The following RCHY1 variants were observed in gnomAD, a reference collection of about 807,000 sequenced individuals.
RCHY1 encodes the protein RING finger and CHY zinc finger domain-containing protein 1.
In RCHY1, 21 loss-of-function variants were observed where a neutral mutation model predicts 41.6. The ratio of observed to expected loss-of-function variants is 0.51; its 90% confidence interval spans 0.36 to 0.73. The LOEUF (loss-of-function observed/expected upper bound fraction) is 0.73, where lower values mean the gene tolerates loss of function less well. Among genes scored for constraint, RCHY1 ranks in the 30% least tolerant of loss-of-function variants. The pLI is 0.00. For missense variants in RCHY1, 265 were observed against 325.3 expected (o/e 0.81, Z 1.43); for synonymous variants, 79 against 102.9 (o/e 0.77, Z 1.41).
intron 1 of RCHY1, 55 bp from the exon 2 acceptor site, chr4:75,509,351 G>C (rs1724656734): frequency 6.4e-7 from 1 of 1,559,988 alleles, no homozygotes. Context: ...AACTAAGTGT[G>C]CAATACAAAA....
At chr4:75,506,981 G>C (rs1724382229) in intron 3 of RCHY1, among the ~76,000 whole-genome samples, 2 of 152,058 alleles carry the variant, frequency 1.3e-5, no homozygotes, top group South Asian at 4.1e-4. Context: ...TATCTTTAAA[G>C]TGTTGGGAGG....
chr4:75,504,155 G>T (rs1724075294), intron 3 of RCHY1, among the ~76,000 whole-genome samples: 1 of 152,062 alleles, frequency 6.6e-6, no homozygotes, highest in Non-Finnish European at 1.5e-5. Context: ...AGAAGAACCA[G>T]AAGTAATTAC....
chr4:75,489,214 G>A (rs1057364119), intron 8 of RCHY1, among the ~76,000 whole-genome samples: 4 of 151,960 alleles, frequency 2.6e-5, no homozygotes, highest in African/African-American at 7.3e-5. Flanking sequence ...TTGCTTTGTC[G>A]AAACCATAAT....
At chr4:75,494,432 C>G (rs1031713394) in intron 3 of RCHY1, 1 of 368,930 alleles carries the variant, frequency 2.7e-6, no homozygotes, top group African/African-American at 2.1e-5. Flanking sequence ...GACACACACA[C>G]ACATTTCGGG....
Position 75,482,627 on chromosome 4 carries a change from A to G in RCHY1, c.697T>C (p.Phe233Leu). 1 of 1,611,584 alleles carries G rather than the reference A, an allele frequency of 6.2e-7. No homozygotes were observed. Among genetic ancestry groups the G allele is most frequent in the Non-Finnish European group, 8.5e-7 (1 of 1,178,220 alleles). The change falls in exon 9 of 9, where the codon TTT becomes CTT. Residue 233 changes from phenylalanine to leucine, a missense_variant. Physicochemically the swap from Phe to Leu is conservative, Grantham distance 22 (BLOSUM62 0). Coordinates refer to ENST00000324439, the MANE Select transcript of RCHY1 (RefSeq NM_015436.4). Reference protein sequence around the residue: ...NDCNGRSTVQFHILGMKCKIC... With the variant: ...NDCNGRSTVQLHILGMKCKIC... Reference sequence around the variant, plus strand: ...TTACATTTCATGCCTAATATATGAAACTGAACAGTGGATCGTCCATTACAG... The same window carrying G: ...TTACATTTCATGCCTAATATATGAAGCTGAACAGTGGATCGTCCATTACAG...
At chr4:75,507,847 T>C (rs1373409754) in intron 3 of RCHY1, among the ~76,000 whole-genome samples, 2 of 151,926 alleles carry the variant, frequency 1.3e-5, no homozygotes, top group South Asian at 2.1e-4. Flanking sequence ...AAAGAGCATA[T>C]ACTATATGAT....
At chr4:75,494,004 T>TA (rs1169540828) in intron 4 of RCHY1, 97 bp downstream of exon 4, 6 of 706,884 alleles carry the variant, frequency 8.5e-6, no homozygotes, top group African/African-American at 5.7e-5. Context: ...CACTTGGAAA[T>TA]ACATGAAAAT....
At chr4:75,510,828 A>C (rs1319090745) in intron 1 of RCHY1, among the ~76,000 whole-genome samples, 1 of 152,196 alleles carries the variant, frequency 6.6e-6, no homozygotes, top group Non-Finnish European at 1.5e-5. Flanking sequence ...TTTTAATGAA[A>C]AATAACTATA....
intron 3 of RCHY1, among the ~76,000 whole-genome samples, chr4:75,507,424 C>T (rs1309081114): frequency 1.3e-5 from 2 of 151,534 alleles, no homozygotes; most frequent in Non-Finnish European, 2.9e-5. Context: ...CCAAAGAAGA[C>T]AAGAAAGGAG....
At position 75,482,004 on chromosome 4, in the gene RCHY1, AAC is replaced by A. The variant is rs1491164511; in HGVS notation, c.*532_*533del. The A allele has an allele frequency of 5.2e-5, 4 of 77,342 alleles. No homozygotes were observed. Among genetic ancestry groups the A allele is most frequent in the African/African-American group, 2.8e-4 (3 of 10,600 alleles). 4.8% of individuals were successfully genotyped at this position (77,342 alleles called of 1,614,324 possible). On this transcript the variant is annotated 3_prime_UTR_variant, in exon 9 of 9. Transcript: ENST00000324439. ...AAACTTTGGAAAAAACTTTCTATAAAACAGTTTCAATATAATTTTATTAGCAG... is the reference window on the plus strand; with the variant it reads ...AAACTTTGGAAAAAACTTTCTATAAAAGTTTCAATATAATTTTATTAGCAG...
chr4:75,512,911 G>T (rs1426696116), intron 1 of RCHY1, among the ~76,000 whole-genome samples: 7 of 140,352 alleles, frequency 5.0e-5, no homozygotes, highest in Admixed American at 1.4e-4. Flanking sequence ...AAGGGGGGGG[G>T]GGGGGCGGGG....
intron 8 of RCHY1, among the ~76,000 whole-genome samples, chr4:75,489,552 A>ATTGCAGATTGATG (rs140470958): frequency 2.0e-5 from 3 of 152,114 alleles, no homozygotes; most frequent in Non-Finnish European, 4.4e-5. Context: ...GGTCAAAGAT[A>ATTGCAGATTGATG]TTGCAGATTG....
chr4:75,490,857 C>G, intron 7 of RCHY1, 156 bp from the exon 8 acceptor site: 1 of 534,300 alleles, frequency 1.9e-6, no homozygotes, highest in South Asian at 3.0e-5. Flanking sequence ...AACTTTCACA[C>G]TATAAAACTT....
rs1721523044 is a variant in RCHY1 at position 75,481,563 on chromosome 4, C to T, written c.*975G>A. On this transcript the variant is annotated 3_prime_UTR_variant, in exon 9 of 9. Transcript: ENST00000324439. ...CCCACTCATCCATCCCCTATTTTCA[C>T]ACGCTTAGGGAAGAAATATTCTATT... The T allele has an allele frequency of 1.3e-5, 2 of 152,192 alleles. No individual in the cohort carries two copies. Among genetic ancestry groups the T allele is most frequent in the Non-Finnish European group, 2.9e-5 (2 of 68,024 alleles). The allele number at this position is 152,192 out of a possible 1,614,324, so 9.4% of individuals were successfully genotyped here.
intron 8 of RCHY1, among the ~76,000 whole-genome samples, chr4:75,483,725 A>G (rs1253728019): frequency 2.6e-5 from 4 of 152,200 alleles, no homozygotes; most frequent in Non-Finnish European, 5.9e-5. Context: ...AATTATCCAC[A>G]TGAATTATGA....
At chr4:75,492,133 A>T (rs1722808319) in intron 4 of RCHY1, among the ~76,000 whole-genome samples, 200 bp from the exon 5 acceptor site, 1 of 152,028 alleles carries the variant, frequency 6.6e-6, no homozygotes, top group South Asian at 2.1e-4. Flanking sequence ...ATTATCTGAT[A>T]CAATGAAAAT....
At chr4:75,483,012 C>T (rs1260734761) in intron 8 of RCHY1, among the ~76,000 whole-genome samples, 1 of 152,082 alleles carries the variant, frequency 6.6e-6, no homozygotes, top group Non-Finnish European at 1.5e-5. Flanking sequence ...AACATGATTT[C>T]ATTATTTTTC....
chr4:75,512,819 C>T (rs1016361322), intron 1 of RCHY1, among the ~76,000 whole-genome samples: 3 of 144,766 alleles, frequency 2.1e-5, no homozygotes, highest in Admixed American at 7.5e-5. Context: ...AAGGGCAATT[C>T]TCAGTTATCT....
intron 1 of RCHY1, chr4:75,513,958 T>G: frequency 2.1e-6 from 1 of 481,882 alleles, no homozygotes; most frequent in Non-Finnish European, 3.6e-6. Context: ...GAGACCACTG[T>G]GCAAGCCTAA....
Sources: gnomAD v4.1 joint callset for allele counts (sites outside exome capture counted in the v4.1 genomes callset) on GRCh38, gnomAD v4.1.1 for gene constraint, MANE v1.5 for transcripts, NCBI Gene and HGNC (gene_info 2026-07-23, HGNC 2026-07-21) for gene names.